Variants in CMIP observed in about 807,000 individuals in gnomAD.
CMIP encodes the protein c-Maf inducing protein, also known as C-Maf-inducing protein.
CMIP carries 13 observed loss-of-function variants against 97.3 expected under a neutral mutation model. That is an observed-to-expected ratio of 0.13 (90% CI 0.09 to 0.21). CMIP has a LOEUF of 0.21. Among genes scored for constraint, CMIP ranks in the 10% least tolerant of loss-of-function variants. The probability of loss-of-function intolerance (pLI) is 1.00; values close to 1 mark genes in which losing one functional copy is unlikely to be tolerated. For synonymous variants in CMIP, 538 were observed against 436.3 expected, an observed-to-expected ratio of 1.23 and a Z score of -2.91; for missense variants, 847 against 1,024.9, an observed-to-expected ratio of 0.83 and a Z score of 2.37.
At chr16:81,561,214 C>A (rs562410534) in intron 1 of CMIP, among the ~76,000 whole-genome samples, 1 of 152,228 alleles carries the variant, frequency 6.6e-6, no homozygotes. Context: ...CTTGGCTTCC[C>A]AAAGTGCTGG....
chr16:81,678,493 C>A lies in CMIP; in HGVS notation c.1253C>A (p.Ala418Asp). 2 of 1,598,512 alleles carry A rather than the reference C, an allele frequency of 1.3e-6. No homozygotes were observed. Among genetic ancestry groups the A allele is most frequent in the Admixed American group, 1.7e-5 (1 of 57,744 alleles). Reference sequence around the variant, plus strand: ...AGCACTGCCAAGCCGGCGCTGACGGCCAGCGCAGGCAACGACAGCGAGCCC... The same window carrying A: ...AGCACTGCCAAGCCGGCGCTGACGGACAGCGCAGGCAACGACAGCGAGCCC... ...RTSTAKPALT[A>D]SAGNDSEPNL... Residue 418 changes from alanine to aspartate, a missense_variant, in exon 10 of 21, where the codon GCC (alanine) becomes GAC (aspartate). By Grantham distance (126) the Ala-to-Asp change is moderately radical. Coordinates refer to ENST00000537098, the MANE Select transcript of CMIP (RefSeq NM_198390.3).
At chr16:81,477,028 A>G (rs1328402249) in intron 1 of CMIP, among the ~76,000 whole-genome samples, 2 of 151,622 alleles carry the variant, frequency 1.3e-5, no homozygotes, top group East Asian at 1.9e-4. Context: ...GACCATTTTT[A>G]TCTCGTGGGG....
chr16:81,687,045 C>T (rs1313243309), intron 10 of CMIP, among the ~76,000 whole-genome samples: 1 of 152,186 alleles, frequency 6.6e-6, no homozygotes. Flanking sequence ...AAGCCAGGAT[C>T]GAAGTCAGCA....
At chr16:81,637,013 G>A (rs1390024075) in intron 3 of CMIP, among the ~76,000 whole-genome samples, 1 of 152,162 alleles carries the variant, frequency 6.6e-6, no homozygotes, top group Non-Finnish European at 1.5e-5. Flanking sequence ...CTGTTGCACT[G>A]TGGGGGCCAC....
Position 81,463,667 on chromosome 16 carries a change from C to A in CMIP, c.300+18126C>A, listed in dbSNP as rs553342363. On this transcript the variant is annotated intron_variant, in intron 1 of 20. Transcript: ENST00000537098. Reference sequence around the variant, plus strand: ...TCAGGCACCTATGATGTGCCAGGCACTTATTCAGCCCCCTGGGTGGGCAGT... The same window carrying A: ...TCAGGCACCTATGATGTGCCAGGCAATTATTCAGCCCCCTGGGTGGGCAGT... Among the ~76,000 whole-genome samples, 3 of 152,322 alleles carry A rather than the reference C, an allele frequency of 2.0e-5. No individual in the cohort carries two copies. In the South Asian group the frequency reaches 6.2e-4, roughly 32 times the overall value.
chr16:81,640,770 G>GTGTGTGTGTGTGTGTGTGTGTCTC lies in CMIP; in HGVS notation c.478-11432_478-11431insGTGTGTGTGTGTGTGTGTGTCTCT, dbSNP rs376370488. Among the ~76,000 whole-genome samples, 84 of 135,718 alleles carry GTGTGTGTGTGTGTGTGTGTGTCTC rather than the reference G, an allele frequency of 6.2e-4. 1 individual carries two copies. Among genetic ancestry groups the GTGTGTGTGTGTGTGTGTGTGTCTC allele is most frequent in the African/African-American group, 2.1e-3 (75 of 35,862 alleles). The allele number at this position is 135,718 out of a possible 152,430, so 89.0% of individuals were successfully genotyped here. On this transcript the variant is annotated intron_variant, in intron 3 of 20. Transcript: ENST00000537098. ...TGTGTGTGTGTGTGTGTGTGTGTGT[G>GTGTGTGTGTGTGTGTGTGTGTCTC]TCTCTCTCTCTCTCCACATGGCCTT... is the stretch of plus-strand genomic sequence containing the variant.
intron 2 of CMIP, chr16:81,619,162 G>A (rs1225131177): frequency 6.6e-6 from 1 of 152,234 alleles, no homozygotes; most frequent in Non-Finnish European, 1.5e-5. Context: ...TGTGTCACAC[G>A]GAGGGCTTGC....
intron 1 of CMIP, among the ~76,000 whole-genome samples, chr16:81,490,274 C>G (rs551241686): frequency 6.6e-6 from 1 of 152,324 alleles, no homozygotes; most frequent in South Asian, 2.1e-4. Context: ...TTCTCGTGGT[C>G]AGGAGAGCCC....
intron 1 of CMIP, among the ~76,000 whole-genome samples, chr16:81,494,540 C>T (rs1438759882): frequency 3.9e-5 from 6 of 152,172 alleles, no homozygotes; most frequent in South Asian, 2.1e-4. Flanking sequence ...ACACTCCCCT[C>T]AGGAAGCACG....
chr16:81,592,078 C>T (rs935961560), intron 1 of CMIP, among the ~76,000 whole-genome samples: 1 of 152,110 alleles, frequency 6.6e-6, no homozygotes, highest in African/African-American at 2.4e-5. Context: ...CCTGCCTTGG[C>T]CTCCCAAAGT....
At chr16:81,696,220 A>C in intron 13 of CMIP, 1 of 378,966 alleles carries the variant, frequency 2.6e-6, no homozygotes, top group Non-Finnish European at 4.9e-6. Flanking sequence ...GAGAAAGGGA[A>C]AAGGGGCTGA....
At chr16:81,589,956 C>A (rs1195874477) in intron 1 of CMIP, among the ~76,000 whole-genome samples, 1 of 152,204 alleles carries the variant, frequency 6.6e-6, no homozygotes, top group Non-Finnish European at 1.5e-5. Context: ...AGAAGACATT[C>A]TGAGTCCTGT....
intron 1 of CMIP, chr16:81,519,451 GGTTCTCTGGGCT>G (rs1388764236): frequency 6.6e-6 from 1 of 152,302 alleles, no homozygotes; most frequent in Non-Finnish European, 1.5e-5. Flanking sequence ...AGAGGAATTG[GGTTCTCTGGGCT>G]GTTCTCTACT....
intron 1 of CMIP, among the ~76,000 whole-genome samples, chr16:81,485,347 C>T (rs748785281): frequency 1.3e-5 from 2 of 152,228 alleles, no homozygotes; most frequent in Non-Finnish European, 2.9e-5. Flanking sequence ...CTAGCTCACT[C>T]ATCCGAGCTA....
intron 1 of CMIP, among the ~76,000 whole-genome samples, chr16:81,493,375 ACCTGTCG>A (rs2089436108): frequency 6.6e-6 from 1 of 151,130 alleles, no homozygotes; most frequent in Admixed American, 6.6e-5. Context: ...ACCTGTCGTT[ACCTGTCG>A]TTACCTGTTG....
At chr16:81,640,386 G>T (rs927268254) in intron 3 of CMIP, among the ~76,000 whole-genome samples, 12 of 151,162 alleles carry the variant, frequency 7.9e-5, no homozygotes, top group Admixed American at 2.0e-4. Flanking sequence ...GCTGCCTTCT[G>T]TGAAATGATG....
chr16:81,615,900 G>A (rs1308481872), intron 2 of CMIP, among the ~76,000 whole-genome samples: 1 of 152,128 alleles, frequency 6.6e-6, no homozygotes, highest in East Asian at 1.9e-4. Flanking sequence ...GATGCTCATT[G>A]TTACCGTGGA....
chr16:81,705,689 T>A (rs1908055765), intron 19 of CMIP, 85 bp downstream of exon 19: 1 of 834,638 alleles, frequency 1.2e-6, no homozygotes. Flanking sequence ...AAGCACTGAC[T>A]TTGCACCATG....
At chr16:81,676,100 C>T (rs1004812439) in intron 9 of CMIP, among the ~76,000 whole-genome samples, 2 of 152,118 alleles carry the variant, frequency 1.3e-5, no homozygotes, top group South Asian at 2.1e-4. Context: ...CCCTGGGGAA[C>T]GGTTAGGTGG....
Sources: gnomAD v4.1 joint callset for allele counts (sites outside exome capture counted in the v4.1 genomes callset) on GRCh38, gnomAD v4.1.1 for gene constraint, MANE v1.5 for transcripts, NCBI Gene and HGNC (gene_info 2026-07-23, HGNC 2026-07-21) for gene names.